The following CDH13 variants were observed in gnomAD, a reference collection of about 807,000 sequenced individuals.
The protein encoded by CDH13 is cadherin 13.
In CDH13, 24 loss-of-function variants were observed where a neutral mutation model predicts 63.8. The observed-to-expected ratio is 0.38, with a 90% CI of 0.27 to 0.53. The LOEUF is 0.53. Ranked by LOEUF, CDH13 falls within the 20% of genes least tolerant of loss-of-function variation. The pLI, the probability that CDH13 is intolerant of heterozygous loss-of-function variation, is 0.85. For synonymous variants in CDH13, 503 were observed against 355.3 expected (o/e 1.42, Z -4.67); for missense variants, 1,049 against 903.1 (o/e 1.16, Z -2.07).
chr16:82,727,910 T>C (rs1193259696), intron 1 of CDH13, among the ~76,000 whole-genome samples: 3 of 152,142 alleles, frequency 2.0e-5, no homozygotes, highest in Non-Finnish European at 4.4e-5. Context: ...AAACTCCTTA[T>C]GCATGTTCTG....
chr16:82,785,658 C>T (rs944987293), intron 1 of CDH13, among the ~76,000 whole-genome samples: 1 of 152,118 alleles, frequency 6.6e-6, no homozygotes, highest in Non-Finnish European at 1.5e-5. Context: ...GTAAAACCAC[C>T]CATGGATTCC....
chr16:83,347,600 T>G (rs2090867161), intron 6 of CDH13, among the ~76,000 whole-genome samples: 1 of 152,188 alleles, frequency 6.6e-6, no homozygotes, highest in Non-Finnish European at 1.5e-5. Context: ...TGATCCCACT[T>G]CCTGCCCTGA....
At chr16:82,784,407 A>T (rs1220827086) in intron 1 of CDH13, among the ~76,000 whole-genome samples, 3 of 152,174 alleles carry the variant, frequency 2.0e-5, no homozygotes, top group Non-Finnish European at 2.9e-5. Flanking sequence ...GCAATGAGGA[A>T]ATGTGGTCCA....
chr16:83,220,692 C>G (rs867487358), intron 5 of CDH13, among the ~76,000 whole-genome samples: 1 of 149,972 alleles, frequency 6.7e-6, no homozygotes, highest in Non-Finnish European at 1.5e-5. Context: ...AAGGAGAGAG[C>G]CTGCAGGTGA....
chr16:82,634,215 G>A (rs1162727209), intron 1 of CDH13, among the ~76,000 whole-genome samples: 1 of 152,370 alleles, frequency 6.6e-6, no homozygotes, highest in East Asian at 1.9e-4. Flanking sequence ...GGAGCCTGGG[G>A]AATGGAAGGA....
intron 5 of CDH13, among the ~76,000 whole-genome samples, chr16:83,295,474 AT>A (rs1327169954): frequency 6.6e-6 from 1 of 152,158 alleles, no homozygotes; most frequent in East Asian, 1.9e-4. Flanking sequence ...TGTACATCTG[AT>A]AAAATAGAAA....
intron 7 of CDH13, among the ~76,000 whole-genome samples, chr16:83,589,655 C>G (rs944609244): frequency 1.4e-4 from 22 of 152,166 alleles, no homozygotes; most frequent in African/African-American, 5.3e-4. Context: ...GCATTTAGAG[C>G]TCACTTCCAC....
chr16:83,288,484 G>A (rs910800136), intron 5 of CDH13, among the ~76,000 whole-genome samples: 10 of 152,182 alleles, frequency 6.6e-5, no homozygotes, highest in African/African-American at 1.9e-4. Flanking sequence ...GATCAAGGTC[G>A]CAGGAGCAAG....
At chr16:83,190,341 G>C (rs778726210) in intron 4 of CDH13, among the ~76,000 whole-genome samples, 5 of 152,226 alleles carry the variant, frequency 3.3e-5, no homozygotes, top group Non-Finnish European at 5.9e-5. Context: ...TGGAAAGCCT[G>C]CTGGGTAAAC....
rs934699608 is a variant in CDH13, at chr16:83,202,415, G to A, written c.484-14930G>A. The stretch of plus-strand genomic sequence containing the variant: ...GAATTTTTCCTGAAATCAATGGGGT[G>A]GGGGGCCCTGGAAAGATTTTAATCA... On this transcript the variant is annotated intron_variant, in intron 4 of 13. Coordinates refer to ENST00000567109, the MANE Select transcript of CDH13 (RefSeq NM_001257.5). 1.4e-3 allele frequency among the ~76,000 whole-genome samples: 214 copies of A among 152,100 alleles called. 3 individuals are homozygous for A. The highest frequency in any genetic ancestry group is 1.6e-4 in the Non-Finnish European group (11 of 68,018).
At chr16:83,345,460 G>A (rs185460056) in intron 6 of CDH13, among the ~76,000 whole-genome samples, 1 of 152,308 alleles carries the variant, frequency 6.6e-6, no homozygotes, top group Admixed American at 6.5e-5. Flanking sequence ...CTTAGAAGAT[G>A]TGCATGAAGA....
At chr16:83,084,278 G>C (rs1398032548) in intron 3 of CDH13, among the ~76,000 whole-genome samples, 7 of 152,202 alleles carry the variant, frequency 4.6e-5, no homozygotes, top group Non-Finnish European at 8.8e-5. Context: ...AGAAGGATCT[G>C]TGACCTGGGA....
chr16:83,275,930 C>G (rs962763278), intron 5 of CDH13, among the ~76,000 whole-genome samples: 4 of 151,940 alleles, frequency 2.6e-5, no homozygotes, highest in African/African-American at 9.7e-5. Context: ...GCTTTATGTT[C>G]TATAATAGAA....
chr16:83,168,339 A>G (rs1037023235), intron 4 of CDH13, among the ~76,000 whole-genome samples: 2 of 152,062 alleles, frequency 1.3e-5, no homozygotes, highest in South Asian at 2.1e-4. Flanking sequence ...ATTTACACAC[A>G]CACTCAAACA....
At chr16:83,473,954 A>T (rs2151543514) in intron 6 of CDH13, among the ~76,000 whole-genome samples, 1 of 152,246 alleles carries the variant, frequency 6.6e-6, no homozygotes, top group Non-Finnish European at 1.5e-5. Flanking sequence ...CTGCTATGGT[A>T]CGAACCCTCA....
chr16:83,429,030 G>T (rs1417354659), intron 6 of CDH13, among the ~76,000 whole-genome samples: 1 of 152,106 alleles, frequency 6.6e-6, no homozygotes, highest in African/African-American at 2.4e-5. Context: ...TTCTTTTCTT[G>T]TCTTGATAAG....
chr16:83,455,612 C>T (rs2073002933), intron 6 of CDH13, among the ~76,000 whole-genome samples: 1 of 152,160 alleles, frequency 6.6e-6, no homozygotes, highest in African/African-American at 2.4e-5. Context: ...GCGTTTTCCT[C>T]AAAGGCTTTC....
chr16:83,237,736 A>G (rs141827447), intron 5 of CDH13, among the ~76,000 whole-genome samples: 1 of 152,284 alleles, frequency 6.6e-6, no homozygotes, highest in Non-Finnish European at 1.5e-5. Flanking sequence ...CGTGAACTTT[A>G]GTTCCTCATT....
chr16:83,462,830 C>T (rs1449967562), intron 6 of CDH13, among the ~76,000 whole-genome samples: 2 of 152,126 alleles, frequency 1.3e-5, no homozygotes, highest in African/African-American at 4.8e-5. Context: ...ATCTCTAATA[C>T]TATTTGTTCA....
Sources: allele counts gnomAD v4.1 joint callset (sites outside exome capture counted in the v4.1 genomes callset), GRCh38; gene constraint gnomAD v4.1.1; transcripts MANE v1.5; gene names NCBI Gene and HGNC (gene_info 2026-07-23, HGNC 2026-07-21).